Variants in KIAA1671 observed in about 807,000 individuals in gnomAD.
KIAA1671 encodes the protein uncharacterized protein KIAA1671.
Under a neutral mutation model 131.2 loss-of-function variants are expected in KIAA1671, and 52 were observed. That is an observed-to-expected ratio of 0.40 (90% CI 0.32 to 0.50). KIAA1671 has a LOEUF of 0.50. KIAA1671 is among the 20% of genes least tolerant of loss of function. KIAA1671 has a pLI of 0.73. For missense variants in KIAA1671, 2,360 were observed against 2,364.2 expected (o/e 1.00, Z 0.04); for synonymous variants, 1,003 against 961.6 (o/e 1.04, Z -0.80).
chr22:25,128,348 C>T lies in KIAA1671; in HGVS notation c.4531-42472C>T, dbSNP rs893902000. ...TGGATGAATACATGAATGCATGGAC[C>T]AGTGCATGAACGGATGCCAAGCTCC... On this transcript the variant is annotated intron_variant, in intron 6 of 12. Coordinates refer to ENST00000358431, the MANE Select transcript of KIAA1671 (RefSeq NM_001145206.2). Among the ~76,000 whole-genome samples the T allele has an allele frequency of 5.3e-4, 81 of 152,148 alleles. 1 individual carries two copies. Among genetic ancestry groups the T allele is most frequent in the African/African-American group, 1.8e-3 (73 of 41,420 alleles).
intron 1 of KIAA1671, among the ~76,000 whole-genome samples, chr22:25,017,869 C>T (rs1925416639): frequency 1.3e-5 from 2 of 152,180 alleles, no homozygotes; most frequent in South Asian, 2.1e-4. Flanking sequence ...ACATGTGCCC[C>T]ATCAGGGCAC....
At chr22:25,085,765 TGAAGGAAG>T (rs929648364) in intron 6 of KIAA1671, among the ~76,000 whole-genome samples, 77 of 89,636 alleles carry the variant, frequency 8.6e-4, no homozygotes, top group Middle Eastern at 0.012. Context: ...TGATAAGTGG[TGAAGGAAG>T]GAAGGGAGGA....
chr22:25,016,060 G>T (rs1328999327), intron 1 of KIAA1671, among the ~76,000 whole-genome samples: 1 of 149,064 alleles, frequency 6.7e-6, no homozygotes, highest in African/African-American at 2.5e-5. Flanking sequence ...TCGCTCTGTT[G>T]CCCAGGCTGG....
chr22:25,023,260 C>T (rs1254268849), intron 1 of KIAA1671: 2 of 151,748 alleles, frequency 1.3e-5, no homozygotes, highest in South Asian at 2.1e-4. Flanking sequence ...CCCAGCTTCA[C>T]GGAGGTTAAG....
At chr22:25,070,511 G>A (rs534567003) in intron 6 of KIAA1671, 65 of 412,510 alleles carry the variant, frequency 1.6e-4, no homozygotes, top group Admixed American at 5.7e-4. Context: ...GCTGTGTCTG[G>A]TTAGCAATGT....
intron 6 of KIAA1671, among the ~76,000 whole-genome samples, chr22:25,073,406 G>A (rs1373408091): frequency 1.3e-5 from 2 of 149,406 alleles, no homozygotes; most frequent in Non-Finnish European, 3.0e-5. Flanking sequence ...TTAAAATGTT[G>A]TATACATTTA....
Position 25,028,564 on chromosome 22 carries a change from C to T in KIAA1671, c.565C>T (p.Pro189Ser). 1 of 1,547,300 alleles carries T rather than the reference C, an allele frequency of 6.5e-7. No homozygotes were observed. Among genetic ancestry groups the T allele is most frequent in the Non-Finnish European group, 8.7e-7 (1 of 1,144,592 alleles). The change falls in exon 3 of 13, where the codon CCT (proline) becomes TCT (serine). Residue 189 changes from proline (P) to serine (S), a missense_variant. This residue lies in a region of KIAA1671 where 1,185 missense variants were observed against 1,126.2 expected (regional missense o/e 1.05). Transcript: ENST00000358431. ...CAAGCCCGCCCTGCCCACCCAGAAG[C>T]CTGCGGGGACCCTTCCCCGGTCAGC... The part of the protein sequence containing the change: ...AAKPALPTQK[P>S]AGTLPRSAPL...
intron 6 of KIAA1671, among the ~76,000 whole-genome samples, chr22:25,154,639 C>G (rs1933166068): frequency 6.6e-6 from 1 of 152,208 alleles, no homozygotes; most frequent in African/African-American, 2.4e-5. Flanking sequence ...CTGTCTCAGG[C>G]AATGGAATGT....
In KIAA1671 at chr22:24,958,556, C is replaced by A. The variant is rs191962922; in HGVS notation, c.-208+5784C>A. On this transcript the variant is annotated intron_variant, in intron 1 of 12. Transcript: ENST00000358431. ...ATCCCAGCTACTCGGGAGGCTGAGGCAGGAGAATCCCTTGAACCCCGGAGG... is the reference window on the plus strand; with the variant it reads ...ATCCCAGCTACTCGGGAGGCTGAGGAAGGAGAATCCCTTGAACCCCGGAGG... Among the ~76,000 whole-genome samples the A allele has an allele frequency of 4.8e-3, 719 of 150,802 alleles. 6 individuals are homozygous for A. The highest frequency in any genetic ancestry group is 0.017 in the African/African-American group (678 of 40,882).
chr22:25,127,111 CTT>C (rs201173741), intron 6 of KIAA1671, among the ~76,000 whole-genome samples: 2,179 of 152,278 alleles, frequency 0.014, 26 homozygotes, highest in Middle Eastern at 0.054. Context: ...TTGAGCAAGA[CTT>C]TGAGCAAGCC....
intron 1 of KIAA1671, among the ~76,000 whole-genome samples, chr22:24,958,762 G>A (rs1921857277): frequency 6.6e-6 from 1 of 151,790 alleles, no homozygotes; most frequent in African/African-American, 2.4e-5. Flanking sequence ...CCTGAGGTCA[G>A]GAGTTCAAGA....
intron 8 of KIAA1671, chr22:25,175,440 A>G (rs1182139996): frequency 6.6e-6 from 1 of 152,226 alleles, no homozygotes; most frequent in East Asian, 1.9e-4. Context: ...TATATGGCCA[A>G]GGTCTCTCGC....
chr22:25,029,308 G>C lies in KIAA1671; in HGVS notation c.1309G>C (p.Val437Leu), dbSNP rs949119693. The change falls in exon 3 of 13, where the codon GTC (valine) becomes CTC (leucine). Residue 437 changes from valine (V) to leucine (L), a missense_variant. Transcript: ENST00000358431. The part of the protein sequence containing the change: ...AGGEWASRRS[V>L]RKCISLFRED... The stretch of plus-strand genomic sequence containing the variant: ...GGGAGAGTGGGCCTCCAGGAGGAGT[G>C]TCAGGAAGTGCATCAGCCTGTTTCG... 8.5e-6 allele frequency: 13 copies of C among 1,537,058 alleles called. No individual in the cohort carries two copies. The African/African-American group carries it at 1.8e-4, about 21-fold the overall frequency.
chr22:25,028,153 A>G lies in KIAA1671; in HGVS notation c.154A>G (p.Ser52Gly). The change falls in exon 3 of 13, where the codon AGC becomes GGC. Residue 52 changes from serine to glycine, a missense_variant. By Grantham distance (56) the Ser-to-Gly change is moderately conservative (BLOSUM62 0). Coordinates refer to ENST00000358431, the MANE Select transcript of KIAA1671 (RefSeq NM_001145206.2). ...CCCAGCCCGGATCTTGGAAGCGAAGAGCCCCCTGCGGAGCCCGGCCCGGTT... is the reference window on the plus strand; with the variant it reads ...CCCAGCCCGGATCTTGGAAGCGAAGGGCCCCCTGCGGAGCCCGGCCCGGTT... Reference protein sequence around the residue: ...APPARILEAKSPLRSPARLLP... With the variant: ...APPARILEAKGPLRSPARLLP... 6.4e-7 allele frequency: 1 copy of G among 1,550,942 alleles called. No individual in the cohort carries two copies. The highest frequency in any genetic ancestry group is 8.7e-7 in the Non-Finnish European group (1 of 1,146,650).
chr22:24,997,392 A>C (rs1375124157), intron 1 of KIAA1671, among the ~76,000 whole-genome samples: 2 of 152,238 alleles, frequency 1.3e-5, no homozygotes, highest in Non-Finnish European at 2.9e-5. Flanking sequence ...TTCCCATCCC[A>C]GGATGGAATT....
At chr22:25,045,231 C>T (rs1033741768) in intron 5 of KIAA1671, among the ~76,000 whole-genome samples, 7 of 151,972 alleles carry the variant, frequency 4.6e-5, no homozygotes, top group African/African-American at 1.7e-4. Flanking sequence ...AAATATTGAG[C>T]GTGGTGCATA....
intron 6 of KIAA1671, among the ~76,000 whole-genome samples, chr22:25,121,785 A>T (rs765285971): frequency 1.3e-5 from 2 of 152,260 alleles, no homozygotes; most frequent in African/African-American, 2.4e-5. Flanking sequence ...GTAGCAAAGT[A>T]ATTAGGAAGT....
At chr22:25,020,952 G>T (rs878859558) in intron 1 of KIAA1671, among the ~76,000 whole-genome samples, 1 of 152,186 alleles carries the variant, frequency 6.6e-6, no homozygotes, top group Non-Finnish European at 1.5e-5. Flanking sequence ...ACACGGGGGC[G>T]TTAAGCAGGG....
intron 1 of KIAA1671, among the ~76,000 whole-genome samples, chr22:25,000,101 T>C (rs1924360036): frequency 6.6e-6 from 1 of 151,516 alleles, no homozygotes; most frequent in Non-Finnish European, 1.5e-5. Flanking sequence ...GCCAGGATGA[T>C]GTCGATCTCC....
Sources: gnomAD v4.1 joint callset for allele counts (sites outside exome capture counted in the v4.1 genomes callset) on GRCh38, gnomAD v4.1.1 for gene constraint, gnomAD v4.1.1 regional missense constraint, MANE v1.5 for transcripts, NCBI Gene and HGNC (gene_info 2026-07-23, HGNC 2026-07-21) for gene names.